The following EBF2 variants were observed in gnomAD, a reference collection of about 807,000 sequenced individuals.
EBF2 encodes the protein transcription factor COE2.
A neutral mutation model predicts 72.8 loss-of-function variants in EBF2; 21 were observed. The observed-to-expected ratio is 0.29, with a 90% CI of 0.20 to 0.42. The LOEUF is 0.42. Among genes scored for constraint, EBF2 ranks in the 10% least tolerant of loss-of-function variants. EBF2 has a pLI of 1.00. For missense variants in EBF2, 637 were observed against 731.2 expected, an observed-to-expected ratio of 0.87 and a Z score of 1.49; for synonymous variants, 299 against 274.2, an observed-to-expected ratio of 1.09 and a Z score of -0.89.
At chr8:26,030,273 AAT>A (rs1169614556) in intron 6 of EBF2, among the ~76,000 whole-genome samples, 3 of 152,186 alleles carry the variant, frequency 2.0e-5, no homozygotes, top group African/African-American at 7.2e-5. Context: ...CTCATTGTTC[AAT>A]TCCCACCTAT....
chr8:25,934,660 T>C (rs765621732), intron 6 of EBF2, among the ~76,000 whole-genome samples: 1 of 152,116 alleles, frequency 6.6e-6, no homozygotes, highest in Non-Finnish European at 1.5e-5. Flanking sequence ...AGTGACACAA[T>C]GTGCATGGCT....
At chr8:25,979,499 G>T (rs1243088898) in intron 6 of EBF2, among the ~76,000 whole-genome samples, 1 of 152,232 alleles carries the variant, frequency 6.6e-6, no homozygotes, top group African/African-American at 2.4e-5. Flanking sequence ...CCCCTGAAGG[G>T]CAGATACTCT....
At chr8:26,038,406 G>A (rs1585237146) in intron 5 of EBF2, among the ~76,000 whole-genome samples, 1 of 152,154 alleles carries the variant, frequency 6.6e-6, no homozygotes, top group Non-Finnish European at 1.5e-5. Context: ...ATAAAATGAG[G>A]AGGATTTGAT....
chr8:25,995,720 T>C (rs979692887), intron 6 of EBF2, among the ~76,000 whole-genome samples: 8 of 151,854 alleles, frequency 5.3e-5, no homozygotes, highest in African/African-American at 1.7e-4. Flanking sequence ...GAGAAAAACA[T>C]AAACCAAAAT....
intron 6 of EBF2, among the ~76,000 whole-genome samples, chr8:25,965,930 C>G (rs1215181378): frequency 6.6e-6 from 1 of 152,252 alleles, no homozygotes; most frequent in Non-Finnish European, 1.5e-5. Flanking sequence ...CAAAGTGCGT[C>G]CTGCCCTCGG....
chr8:26,039,947 G>A lies in EBF2; in HGVS notation c.482+81C>T. The A allele has an allele frequency of 4.7e-6, 7 of 1,500,498 alleles. No homozygotes were observed. In the South Asian group the frequency reaches 7.9e-5, roughly 17 times the overall value. 92.9% of individuals were successfully genotyped at this position (1,500,498 alleles called of 1,614,324 possible). A position where few individuals can be genotyped will look rare whatever the true frequency, so the allele number is the denominator to read the frequency against. On this transcript the variant is annotated intron_variant, in intron 5 of 15. Coordinates refer to ENST00000520164, the MANE Select transcript of EBF2 (RefSeq NM_022659.4). ...TGCGAGCGCTCAGTCCTGAAAGTTA[G>A]TCCCGGGAACGCGGCGCGCCAAGGC... is the stretch of plus-strand genomic sequence containing the variant.
At chr8:25,928,239 A>G (rs966081306) in intron 6 of EBF2, among the ~76,000 whole-genome samples, 6 of 152,166 alleles carry the variant, frequency 3.9e-5, no homozygotes, top group Non-Finnish European at 8.8e-5. Context: ...GACTGTTGCC[A>G]TCTAAGGTGC....
chr8:25,967,643 CA>C (rs2117185340), intron 6 of EBF2, among the ~76,000 whole-genome samples: 1 of 152,286 alleles, frequency 6.6e-6, no homozygotes, highest in East Asian at 1.9e-4. Context: ...ATTGTCAAAT[CA>C]AAAGATCATA....
At chr8:25,926,125 A>C (rs1803381864) in intron 6 of EBF2, among the ~76,000 whole-genome samples, 1 of 152,150 alleles carries the variant, frequency 6.6e-6, no homozygotes, top group South Asian at 2.1e-4. Context: ...GAGTCCTTCT[A>C]CCGGGAAGCA....
intron 6 of EBF2, among the ~76,000 whole-genome samples, chr8:25,975,782 A>G (rs1448747120): frequency 6.6e-6 from 1 of 152,198 alleles, no homozygotes; most frequent in African/African-American, 2.4e-5. Flanking sequence ...CTGAGAGGTA[A>G]AAATTGACAC....
chr8:25,912,794 CT>C (rs1295452507), intron 6 of EBF2, among the ~76,000 whole-genome samples: 3 of 152,104 alleles, frequency 2.0e-5, no homozygotes, highest in African/African-American at 7.2e-5. Flanking sequence ...CTGGAGACCC[CT>C]GAATCTATTA....
chr8:25,963,984 G>C (rs899783170), intron 6 of EBF2, among the ~76,000 whole-genome samples: 2 of 152,060 alleles, frequency 1.3e-5, no homozygotes, highest in African/African-American at 4.8e-5. Context: ...GGGATATCAG[G>C]TTTCCTTGCT....
chr8:25,914,404 G>T (rs149139175), intron 6 of EBF2, among the ~76,000 whole-genome samples: 234 of 152,342 alleles, frequency 1.5e-3, no homozygotes, highest in African/African-American at 5.4e-3. Context: ...GTGGGACCCA[G>T]CCTTGGCCTG....
chr8:25,944,799 G>A (rs886337937), intron 6 of EBF2, among the ~76,000 whole-genome samples: 36 of 149,076 alleles, frequency 2.4e-4, no homozygotes, highest in African/African-American at 8.6e-4. Context: ...ACATGTATAT[G>A]TATTTATATA....
At chr8:26,042,394 T>C in intron 1 of EBF2, 143 bp from the exon 2 acceptor site, 1 of 1,086,580 alleles carries the variant, frequency 9.2e-7, no homozygotes, top group Non-Finnish European at 1.3e-6. Flanking sequence ...TTTTTTCCAA[T>C]TCGGATAAGG....
chr8:25,955,286 G>A (rs1803927835), intron 6 of EBF2, among the ~76,000 whole-genome samples: 1 of 152,202 alleles, frequency 6.6e-6, no homozygotes, highest in Admixed American at 6.5e-5. Flanking sequence ...AATTCTGGGG[G>A]TATAAGAAGG....
At chr8:25,981,758 T>C (rs577879512) in intron 6 of EBF2, among the ~76,000 whole-genome samples, 4 of 148,494 alleles carry the variant, frequency 2.7e-5, no homozygotes, top group Admixed American at 6.7e-5. Flanking sequence ...ATGGCACCAC[T>C]GCACTCCAGC....
intron 6 of EBF2, among the ~76,000 whole-genome samples, chr8:26,020,396 A>T (rs1485293811): frequency 1.3e-5 from 2 of 152,210 alleles, no homozygotes; most frequent in African/African-American, 2.4e-5. Context: ...GCCAGCCCAG[A>T]GTTATAAATG....
At position 26,017,800 on chromosome 8, in the gene EBF2, C is replaced by T. The variant is rs113716552; in HGVS notation, c.551+15285G>A. On this transcript the variant is annotated intron_variant, in intron 6 of 15. Transcript: ENST00000520164. The stretch of plus-strand genomic sequence containing the variant: ...GTTGTAACAGGGGTGTAAACGCCAG[C>T]CAATCTCTTTTGGCACCTAGAGCTA... Among the ~76,000 whole-genome samples the T allele has an allele frequency of 7.6e-3, 1,157 of 152,276 alleles. 8 individuals are homozygous for T. The highest frequency in any genetic ancestry group is 0.011 in the Non-Finnish European group (745 of 68,024).
Sources: gnomAD v4.1 joint callset for allele counts (sites outside exome capture counted in the v4.1 genomes callset) on GRCh38, gnomAD v4.1.1 for gene constraint, MANE v1.5 for transcripts, NCBI Gene and HGNC (gene_info 2026-07-23, HGNC 2026-07-21) for gene names.